SAR1A: variants seen among roughly 807,000 people sequenced by gnomAD.
SAR1A encodes the protein small COPII coat GTPase SAR1A.
In SAR1A, 6 loss-of-function variants were observed where a neutral mutation model predicts 22.6. The observed-to-expected ratio is 0.27, with a 90% CI of 0.15 to 0.52. The LOEUF (loss-of-function observed/expected upper bound fraction) is 0.52, where lower values mean the gene tolerates loss of function less well. Ranked by LOEUF, SAR1A falls within the 20% of genes least tolerant of loss-of-function variation. The pLI, the probability that SAR1A is intolerant of heterozygous loss-of-function variation, is 0.96. For synonymous variants in SAR1A, 70 were observed against 82.2 expected (o/e 0.85, Z 0.80); for missense variants, 145 against 245.1 (o/e 0.59, Z 2.73).
chr10:70,154,615 G>A (rs752746348), intron 5 of SAR1A, among the ~76,000 whole-genome samples: 1 of 151,574 alleles, frequency 6.6e-6, no homozygotes, highest in Non-Finnish European at 1.5e-5. Context: ...GTGCTACCAC[G>A]CCTGGCTAAT....
intron 1 of SAR1A, among the ~76,000 whole-genome samples, chr10:70,168,392 C>G (rs999405420): frequency 6.6e-6 from 1 of 152,044 alleles, no homozygotes; most frequent in Admixed American, 6.6e-5. Context: ...GTCAGGAGTT[C>G]GAGATCAGCC....
intron 4 of SAR1A, among the ~76,000 whole-genome samples, chr10:70,158,688 C>T (rs1162761553): frequency 1.4e-5 from 2 of 146,692 alleles, no homozygotes; most frequent in African/African-American, 2.6e-5. Flanking sequence ...TTTTACTTTC[C>T]GTAGTTCTAT....
chr10:70,167,824 T>G (rs943759468), intron 1 of SAR1A, among the ~76,000 whole-genome samples: 1 of 152,254 alleles, frequency 6.6e-6, no homozygotes, highest in African/African-American at 2.4e-5. Context: ...ATTTCTTTTT[T>G]GCCTTTTCAA....
chr10:70,161,742 A>G lies in SAR1A; in HGVS notation c.59-4T>C, dbSNP rs1441632434. ...TTTCCAGATTTCTTGTACAGTCCTAAAAGAGAAAAAAATTGTTAACACATT... is the reference window on the plus strand; with the variant it reads ...TTTCCAGATTTCTTGTACAGTCCTAGAAGAGAAAAAAATTGTTAACACATT... On this transcript the variant is annotated splice_region_variant and splice_polypyrimidine_tract_variant and intron_variant, in intron 2 of 6. Transcript: ENST00000373241. The G allele has an allele frequency of 6.2e-7, 1 of 1,613,708 alleles. No individual in the cohort carries two copies. Among genetic ancestry groups the G allele is most frequent in the African/African-American group, 1.3e-5 (1 of 74,876 alleles).
chr10:70,159,503 G>A (rs537421264), intron 4 of SAR1A, among the ~76,000 whole-genome samples: 140 of 152,152 alleles, frequency 9.2e-4, no homozygotes, highest in Non-Finnish European at 1.7e-3. Flanking sequence ...AGACCAGCCT[G>A]GGCAACATGG....
chr10:70,159,914 A>C (rs1225210786), intron 4 of SAR1A, among the ~76,000 whole-genome samples: 1 of 152,230 alleles, frequency 6.6e-6, no homozygotes, highest in Non-Finnish European at 1.5e-5. Flanking sequence ...GTAGGCAAAA[A>C]GCACTTCTGA....
intron 3 of SAR1A, chr10:70,161,290 C>A: frequency 1.8e-6 from 1 of 546,152 alleles, no homozygotes; most frequent in Non-Finnish European, 3.2e-6. Flanking sequence ...CGCCCCACTC[C>A]CAACAAAGAA....
At position 70,150,608 on chromosome 10, in the gene SAR1A, T is replaced by C. The variant is rs916861122; in HGVS notation, c.*1868A>G. 1 of 152,210 alleles carries C rather than the reference T, an allele frequency of 6.6e-6. No homozygotes were observed. The highest frequency in any genetic ancestry group is 2.4e-5 in the African/African-American group (1 of 41,438). 9.4% of individuals were successfully genotyped at this position (152,210 alleles called of 1,614,324 possible). A position where few individuals can be genotyped will look rare whatever the true frequency, so the allele number is the denominator to read the frequency against. ...CACTGAAGTAATCATACTTCTCATG[T>C]CTCCGAACAGAGAAGTATGGGGGAC... On this transcript the variant is annotated 3_prime_UTR_variant, in exon 7 of 7. Transcript: ENST00000373241.
At position 70,152,679 on chromosome 10, in the gene SAR1A, T is replaced by C. The variant is rs1839339600; in HGVS notation, c.481-87A>G. 3.0e-6 allele frequency: 3 copies of C among 983,784 alleles called. No homozygotes were observed. The East Asian group carries it at 7.2e-5, about 24-fold the overall frequency. 60.9% of individuals were successfully genotyped at this position (983,784 alleles called of 1,614,324 possible). On this transcript the variant is annotated intron_variant, in intron 6 of 6. Transcript: ENST00000373241. ...ACGATCATTACAATCATTTTATCCA[T>C]TCCTTAAAAGCAAACCTAAGTAGGT... is the stretch of plus-strand genomic sequence containing the variant.
chr10:70,154,037 G>C (rs1490022490), intron 5 of SAR1A, 68 bp from the exon 6 acceptor site: 3 of 1,270,662 alleles, frequency 2.4e-6, no homozygotes, highest in South Asian at 3.0e-5. Context: ...AAGCCCACCA[G>C]ATAATGAAAA....
At chr10:70,165,492 C>T (rs953606421) in intron 1 of SAR1A, among the ~76,000 whole-genome samples, 4 of 151,912 alleles carry the variant, frequency 2.6e-5, no homozygotes, top group East Asian at 1.9e-4. Context: ...TTGAGGGGTT[C>T]GAGACTTTGG....
At chr10:70,163,439 C>T (rs1282670831) in intron 1 of SAR1A, among the ~76,000 whole-genome samples, 3 of 152,152 alleles carry the variant, frequency 2.0e-5, no homozygotes, top group African/African-American at 7.2e-5. Flanking sequence ...CTTCAAGGGG[C>T]AAGCTGACTC....
intron 4 of SAR1A, 37 bp from the exon 5 acceptor site, chr10:70,157,904 T>C: frequency 7.2e-7 from 1 of 1,388,050 alleles, no homozygotes. Flanking sequence ...GAGTAAAAAA[T>C]ATACATTGTG....
At chr10:70,153,580 GA>G (rs1332545851) in intron 6 of SAR1A, among the ~76,000 whole-genome samples, 1 of 152,128 alleles carries the variant, frequency 6.6e-6, no homozygotes, top group Non-Finnish European at 1.5e-5. Flanking sequence ...AAATTTGAAA[GA>G]TAATCATAAA....
At chr10:70,165,047 C>T (rs1236343251) in intron 1 of SAR1A, among the ~76,000 whole-genome samples, 1 of 151,960 alleles carries the variant, frequency 6.6e-6, no homozygotes, top group Non-Finnish European at 1.5e-5. Flanking sequence ...GGGCGGATCA[C>T]GAGGTCAGGA....
chr10:70,152,278 G>A lies in SAR1A; in HGVS notation c.*198C>T. 3.0e-6 allele frequency: 3 copies of A among 990,028 alleles called. No homozygotes were observed. In the South Asian group the frequency reaches 4.2e-5, roughly 14 times the overall value. 61.3% of individuals were successfully genotyped at this position (990,028 alleles called of 1,614,324 possible). A position where few individuals can be genotyped will look rare whatever the true frequency, so the allele number is the denominator to read the frequency against. The stretch of plus-strand genomic sequence containing the variant: ...GGATACTGACCTGCACCAGCACGTG[G>A]GGCAGCATTACCTCCCAACAGTGTG... On this transcript the variant is annotated 3_prime_UTR_variant, in exon 7 of 7. Coordinates refer to ENST00000373241, the MANE Select transcript of SAR1A (RefSeq NM_020150.5).
At chr10:70,166,540 A>G (rs1175638918) in intron 1 of SAR1A, among the ~76,000 whole-genome samples, 3 of 152,304 alleles carry the variant, frequency 2.0e-5, no homozygotes, top group African/African-American at 7.2e-5. Context: ...TGTTATCTCA[A>G]TATTTAATCA....
chr10:70,169,393 T>G (rs1190819437), intron 1 of SAR1A, among the ~76,000 whole-genome samples: 1 of 152,236 alleles, frequency 6.6e-6, no homozygotes, highest in Non-Finnish European at 1.5e-5. Context: ...TCTATTTATT[T>G]TCTATTCTTG....
At chr10:70,169,721 A>AATCTCCCTAAGCCCCCTGTCGC (rs1839600521) in intron 1 of SAR1A, among the ~76,000 whole-genome samples, 1 of 152,224 alleles carries the variant, frequency 6.6e-6, no homozygotes, top group Non-Finnish European at 1.5e-5. Context: ...CCCCATGGCG[A>AATCTCCCTAAGCCCCCTGTCGC]ATCTCCCTAA....
Sources: allele counts gnomAD v4.1 joint callset (sites outside exome capture counted in the v4.1 genomes callset), GRCh38; gene constraint gnomAD v4.1.1; transcripts MANE v1.5; gene names NCBI Gene and HGNC (gene_info 2026-07-23, HGNC 2026-07-21).